ZFP64: variants seen among roughly 807,000 people sequenced by gnomAD.
ZFP64 encodes zinc finger protein 64.
In ZFP64, 14 loss-of-function variants were observed where a neutral mutation model predicts 51.6. The observed-to-expected ratio is 0.27, with a 90% CI of 0.18 to 0.42. The LOEUF is 0.42. Among genes scored for constraint, ZFP64 ranks in the 10% least tolerant of loss-of-function variants. The probability of loss-of-function intolerance (pLI) is 1.00; values close to 1 mark genes in which losing one functional copy is unlikely to be tolerated. For synonymous variants in ZFP64, 375 were observed against 361.4 expected, an observed-to-expected ratio of 1.04 and a Z score of -0.43; for missense variants, 754 against 906.8, an observed-to-expected ratio of 0.83 and a Z score of 2.16.
At chr20:52,104,793 C>T (rs1365786728) in intron 5 of ZFP64, 4 of 588,042 alleles carry the variant, frequency 6.8e-6, no homozygotes, top group South Asian at 6.0e-5. Flanking sequence ...AGCCCAGTGC[C>T]AAGGAGGCCG....
intron 7 of ZFP64, among the ~76,000 whole-genome samples, chr20:52,093,880 T>A (rs1196688592): frequency 1.3e-5 from 2 of 152,238 alleles, no homozygotes; most frequent in African/African-American, 4.8e-5. Flanking sequence ...ACACTTCTGG[T>A]CTTTGTACCA....
chr20:52,105,906 T>C (rs1400578124), intron 5 of ZFP64, among the ~76,000 whole-genome samples: 1 of 152,110 alleles, frequency 6.6e-6, no homozygotes, highest in Non-Finnish European at 1.5e-5. Flanking sequence ...GTCATTCTGA[T>C]GTGCATCCAA....
rs74396282 is a variant in ZFP64 at position 52,098,563 on chromosome 20, G to A, written c.788C>T (p.Pro263Leu). The change falls in exon 6 of 9, where the codon CCA becomes CTA. Residue 263 changes from proline to leucine, a missense_variant. Physicochemically the swap from Pro to Leu is moderately conservative, Grantham distance 98. Transcript: ENST00000361387. The stretch of plus-strand genomic sequence containing the variant: ...TTCAGTGGAGAGGCAGTTTGCTTTT[G>A]GAACATCATCATCAAGTTCTGAAGC... The A allele has an allele frequency of 6.2e-6, 10 of 1,613,940 alleles. No homozygotes were observed. Among genetic ancestry groups the A allele is most frequent in the Middle Eastern group, 1.6e-4 (1 of 6,084 alleles).
intron 5 of ZFP64, among the ~76,000 whole-genome samples, chr20:52,104,073 A>C (rs1285434615): frequency 6.6e-6 from 1 of 151,852 alleles, no homozygotes; most frequent in Non-Finnish European, 1.5e-5. Flanking sequence ...TCCAGTTACA[A>C]CTCCTTTCCT....
chr20:52,130,448 A>C (rs1228947668), intron 5 of ZFP64, among the ~76,000 whole-genome samples: 1 of 152,054 alleles, frequency 6.6e-6, no homozygotes, highest in Non-Finnish European at 1.5e-5. Context: ...TCCTAGCCTC[A>C]AGCGATGCTC....
chr20:52,121,034 G>A (rs1979165684), intron 5 of ZFP64, among the ~76,000 whole-genome samples: 2 of 152,258 alleles, frequency 1.3e-5, no homozygotes, highest in East Asian at 3.9e-4. Flanking sequence ...CATGAACTGT[G>A]CCCATGTAAG....
At chr20:52,103,966 G>C (rs2079081448) in intron 5 of ZFP64, among the ~76,000 whole-genome samples, 2 of 152,256 alleles carry the variant, frequency 1.3e-5, no homozygotes, top group African/African-American at 4.8e-5. Context: ...AGTTGATGCG[G>C]AAGCTGGAGA....
chr20:52,162,470 C>T (rs1054615259), intron 4 of ZFP64, among the ~76,000 whole-genome samples: 10 of 151,474 alleles, frequency 6.6e-5, no homozygotes, highest in Non-Finnish European at 1.3e-4. Flanking sequence ...ACCAAAAATA[C>T]AGAAAAACTA....
chr20:52,091,099 A>T (rs1222111000), intron 7 of ZFP64, among the ~76,000 whole-genome samples: 1 of 152,122 alleles, frequency 6.6e-6, no homozygotes, highest in Non-Finnish European at 1.5e-5. Context: ...TCTCTATGAA[A>T]CGAAAAAACC....
At position 52,085,147 on chromosome 20, in the gene ZFP64, G is replaced by C. The variant is rs373215737; in HGVS notation, c.1348C>G (p.Arg450Gly). The change falls in exon 9 of 9, where the codon CGC (arginine) becomes GGC (glycine). Residue 450 changes from arginine to glycine, a missense_variant. Transcript: ENST00000361387. This position sits in a 1 kb window ranked among gnomAD's most constrained non-coding sequence, Gnocchi z 4.3. Reference sequence around the variant, plus strand: ...TTGAGATTCGCCTTCATGGTGCAGCGGACGTCGCAGAACTCGCACTTGAAA... The same window carrying C: ...TTGAGATTCGCCTTCATGGTGCAGCCGACGTCGCAGAACTCGCACTTGAAA... 1 of 1,614,228 alleles carries C rather than the reference G, an allele frequency of 6.2e-7. No individual in the cohort carries two copies. The highest frequency in any genetic ancestry group is 8.5e-7 in the Non-Finnish European group (1 of 1,180,042).
chr20:52,103,308 G>T (rs1318564329), intron 5 of ZFP64, among the ~76,000 whole-genome samples: 1 of 152,186 alleles, frequency 6.6e-6, no homozygotes, highest in Non-Finnish European at 1.5e-5. Flanking sequence ...AAAGCTACTT[G>T]AGTTGCAAAG....
At chr20:52,187,514 C>A (rs2123135556) in intron 1 of ZFP64, among the ~76,000 whole-genome samples, 2 of 152,026 alleles carry the variant, frequency 1.3e-5, no homozygotes, top group East Asian at 3.9e-4. Context: ...CCTAGCTACT[C>A]AGGAGGCTGA....
chr20:52,157,206 T>A (rs1981388944), intron 5 of ZFP64, among the ~76,000 whole-genome samples: 1 of 152,170 alleles, frequency 6.6e-6, no homozygotes, highest in Non-Finnish European at 1.5e-5. Context: ...CCAAGTATGT[T>A]CTCTCAGCTG....
intron 5 of ZFP64, among the ~76,000 whole-genome samples, chr20:52,104,006 CG>C (rs1568948598): frequency 6.6e-6 from 1 of 152,184 alleles, no homozygotes; most frequent in Non-Finnish European, 1.5e-5. Context: ...TGAGCCGCCC[CG>C]GAGAGGGGAC....
Position 52,085,297 on chromosome 20 carries a change from C to G in ZFP64, c.1229-31G>C. The G allele has an allele frequency of 6.4e-7, 1 of 1,568,522 alleles. No homozygotes were observed. On this transcript the variant is annotated intron_variant, in intron 8 of 8. Coordinates refer to the ZFP64 transcript ENST00000361387. The surrounding 1 kb of genome is among the most constrained non-coding windows in gnomAD (Gnocchi z 4.3). Reference sequence around the variant, plus strand: ...AATGGAAGGTGTGTTTCCATTAGAACAGGCAGGCAAAACAGACCCTCCCAC... The same window carrying G: ...AATGGAAGGTGTGTTTCCATTAGAAGAGGCAGGCAAAACAGACCCTCCCAC...
At chr20:52,173,930 G>A (rs1982963186) in intron 2 of ZFP64, among the ~76,000 whole-genome samples, 2 of 152,144 alleles carry the variant, frequency 1.3e-5, no homozygotes, top group African/African-American at 4.8e-5. Flanking sequence ...GATTACAGAT[G>A]TGAGCCACCG....
At chr20:52,156,019 A>T (rs1477445513) in intron 5 of ZFP64, among the ~76,000 whole-genome samples, 1 of 152,234 alleles carries the variant, frequency 6.6e-6, no homozygotes, top group Non-Finnish European at 1.5e-5. Context: ...TTTGAAAAAC[A>T]CACCTTTTCT....
intron 2 of ZFP64, among the ~76,000 whole-genome samples, chr20:52,168,470 T>A (rs1320069321): frequency 6.6e-6 from 1 of 152,186 alleles, no homozygotes; most frequent in Non-Finnish European, 1.5e-5. Flanking sequence ...CCAAAGCAAA[T>A]TTTTTGGGCC....
chr20:52,117,891 C>G (rs1978962708), intron 5 of ZFP64, among the ~76,000 whole-genome samples: 1 of 152,000 alleles, frequency 6.6e-6, no homozygotes, highest in African/African-American at 2.4e-5. Context: ...AACCCCCCAG[C>G]CTTAAGCCAT....
Sources: gnomAD v4.1 joint callset for allele counts (sites outside exome capture counted in the v4.1 genomes callset) on GRCh38, gnomAD v4.1.1 for gene constraint, Gnocchi (gnomAD v3.1) non-coding constraint, MANE v1.5 for transcripts, NCBI Gene and HGNC (gene_info 2026-07-23, HGNC 2026-07-21) for gene names.